Variants in PTPRM observed in about 807,000 individuals in gnomAD.
PTPRM encodes the protein receptor-type tyrosine-protein phosphatase mu.
Under a neutral mutation model 186.7 loss-of-function variants are expected in PTPRM, and 47 were observed. That is an observed-to-expected ratio of 0.25 (90% CI 0.20 to 0.32). The LOEUF is 0.32. PTPRM is among the 10% of genes least tolerant of loss of function. PTPRM has a pLI of 1.00. For synonymous variants in PTPRM, 668 were observed against 674.9 expected, an observed-to-expected ratio of 0.99 and a Z score of 0.16; for missense variants, 1,494 against 1,865.0, an observed-to-expected ratio of 0.80 and a Z score of 3.66.
At chr18:8,062,691 C>G (rs2088632942) in intron 7 of PTPRM, among the ~76,000 whole-genome samples, 1 of 57,534 alleles carries the variant, frequency 1.7e-5, no homozygotes, top group Admixed American at 1.9e-4. Context: ...GGACCCTCAG[C>G]TGCAGGTCTG....
intron 1 of PTPRM, among the ~76,000 whole-genome samples, chr18:7,734,897 A>AG (rs1170871647): frequency 2.0e-5 from 3 of 152,086 alleles, no homozygotes; most frequent in Non-Finnish European, 1.5e-5. Context: ...GCCACTTGAT[A>AG]GTATGGACAG....
chr18:8,089,525 C>G (rs2090604062), intron 11 of PTPRM, among the ~76,000 whole-genome samples: 1 of 152,124 alleles, frequency 6.6e-6, no homozygotes. Context: ...ATCAACTTGT[C>G]ATAAACTCAT....
chr18:7,683,505 CCTTT>C (rs1479285568), intron 1 of PTPRM, among the ~76,000 whole-genome samples: 2 of 152,074 alleles, frequency 1.3e-5, no homozygotes, highest in Non-Finnish European at 2.9e-5. Context: ...ACCATCCTTT[CCTTT>C]CTTTCTTCAT....
chr18:8,003,185 T>C (rs2083973065), intron 7 of PTPRM, among the ~76,000 whole-genome samples: 1 of 152,162 alleles, frequency 6.6e-6, no homozygotes, highest in South Asian at 2.1e-4. Flanking sequence ...TGAATCGTGG[T>C]GGTTTCCCCC....
At chr18:8,223,668 A>C (rs2094180662) in intron 14 of PTPRM, among the ~76,000 whole-genome samples, 2 of 152,214 alleles carry the variant, frequency 1.3e-5, no homozygotes, top group African/African-American at 4.8e-5. Flanking sequence ...CTTTGGGCTC[A>C]GTTTTGCTGT....
intron 6 of PTPRM, among the ~76,000 whole-genome samples, chr18:7,952,482 A>G (rs1348256875): frequency 6.8e-6 from 1 of 147,072 alleles, no homozygotes; most frequent in Non-Finnish European, 1.5e-5. Flanking sequence ...GTGGATCACA[A>G]GGTCAGGAGA....
At chr18:8,347,903 C>G (rs16953340) in intron 23 of PTPRM, among the ~76,000 whole-genome samples, 12,222 of 152,236 alleles carry the variant, frequency 0.08, 519 homozygotes, top group South Asian at 0.1. Context: ...TTGGATGGGC[C>G]TGACTTTAGT....
At chr18:8,225,545 C>T (rs2094203519) in intron 14 of PTPRM, among the ~76,000 whole-genome samples, 1 of 152,060 alleles carries the variant, frequency 6.6e-6, no homozygotes, top group Non-Finnish European at 1.5e-5. Context: ...ATTTAGAGAC[C>T]ACAATCTGAC....
intron 14 of PTPRM, among the ~76,000 whole-genome samples, chr18:8,145,640 G>C (rs936313176): frequency 2.6e-5 from 4 of 152,156 alleles, no homozygotes; most frequent in Non-Finnish European, 5.9e-5. Flanking sequence ...TGTCCCTGCA[G>C]AGGACATGAA....
intron 2 of PTPRM, among the ~76,000 whole-genome samples, chr18:7,808,375 C>T (rs1373049945): frequency 6.6e-6 from 1 of 152,098 alleles, no homozygotes; most frequent in Non-Finnish European, 1.5e-5. Flanking sequence ...TAGATTTGGT[C>T]TTAACAGTGG....
At chr18:7,889,210 A>G (rs1194248249) in intron 3 of PTPRM, among the ~76,000 whole-genome samples, 1 of 152,188 alleles carries the variant, frequency 6.6e-6, no homozygotes, top group Non-Finnish European at 1.5e-5. Flanking sequence ...TCAAATTAGT[A>G]AAAAATACAA....
intron 7 of PTPRM, among the ~76,000 whole-genome samples, chr18:7,959,277 T>C (rs1303413557): frequency 6.6e-6 from 1 of 152,212 alleles, no homozygotes; most frequent in African/African-American, 2.4e-5. Flanking sequence ...TTTAGAAATA[T>C]TGCTTATCTG....
intron 1 of PTPRM, among the ~76,000 whole-genome samples, chr18:7,635,507 G>T (rs2038291285): frequency 6.6e-6 from 1 of 152,158 alleles, no homozygotes; most frequent in Non-Finnish European, 1.5e-5. Flanking sequence ...TTCTTGGCCT[G>T]TCATTTATCA....
At chr18:8,224,845 G>A (rs1384786723) in intron 14 of PTPRM, among the ~76,000 whole-genome samples, 1 of 152,138 alleles carries the variant, frequency 6.6e-6, no homozygotes, top group Non-Finnish European at 1.5e-5. Context: ...CTGTGAACTG[G>A]GGCTAGCACT....
rs1051843780 is a variant in PTPRM, at chr18:7,594,174, A to C, written c.73+26283A>C. Among the ~76,000 whole-genome samples, 3 of 152,206 alleles carry C rather than the reference A, an allele frequency of 2.0e-5. No homozygotes were observed. The East Asian group carries it at 5.8e-4, about 29-fold the overall frequency. On this transcript the variant is annotated intron_variant, in intron 1 of 32. Transcript: ENST00000580170. The stretch of plus-strand genomic sequence containing the variant: ...CAAAATAGTAAAGTCAGTTCCATTT[A>C]AATTATTTGAAGTGGGTCATAAAAA...
At chr18:8,008,146 G>A (rs1043286905) in intron 7 of PTPRM, among the ~76,000 whole-genome samples, 1 of 152,118 alleles carries the variant, frequency 6.6e-6, no homozygotes, top group Non-Finnish European at 1.5e-5. Context: ...ATTGGGTTGG[G>A]GTTAGTGCCT....
At chr18:8,240,804 GAGAGAGAGAGAGAGAGAGAGAGAAAGAA>G (rs1386699351) in intron 14 of PTPRM, among the ~76,000 whole-genome samples, 2,880 of 46,838 alleles carry the variant, frequency 0.061, 155 homozygotes, top group African/African-American at 0.18. Flanking sequence ...GAGAGAGAGA[GAGAGAGAGAGAGAGAGAGAGAGAAAGAA>G]AGAAAGAAAG....
intron 1 of PTPRM, among the ~76,000 whole-genome samples, chr18:7,676,888 A>G (rs2039356695): frequency 6.6e-6 from 1 of 152,210 alleles, no homozygotes; most frequent in Admixed American, 6.5e-5. Flanking sequence ...TAGTTCTTTG[A>G]CAGGGGCTTA....
chr18:8,258,306 G>A (rs957492929), intron 19 of PTPRM, among the ~76,000 whole-genome samples: 5 of 152,240 alleles, frequency 3.3e-5, no homozygotes, highest in Middle Eastern at 3.4e-3. Context: ...CTTCACTCAC[G>A]AGGGACAGAC....
Sources: allele counts gnomAD v4.1 joint callset (sites outside exome capture counted in the v4.1 genomes callset), GRCh38; gene constraint gnomAD v4.1.1; transcripts MANE v1.5; gene names NCBI Gene and HGNC (gene_info 2026-07-23, HGNC 2026-07-21).